PLOD1: variants seen among roughly 807,000 people sequenced by gnomAD.
The protein encoded by PLOD1 is procollagen-lysine,2-oxoglutarate 5-dioxygenase 1.
Under a neutral mutation model 94.7 loss-of-function variants are expected in PLOD1, and 70 were observed. That is an observed-to-expected ratio of 0.74 (90% CI 0.61 to 0.90). PLOD1 has a LOEUF of 0.90. PLOD1 is among the 40% of genes least tolerant of loss of function. PLOD1 has a pLI of 0.00. For synonymous variants in PLOD1, 417 were observed against 400.2 expected (o/e 1.04, Z -0.50); for missense variants, 905 against 972.7 (o/e 0.93, Z 0.93).
chr1:11,960,815 G>T (rs1365665619), intron 10 of PLOD1, 48 bp downstream of exon 10: 1 of 1,608,374 alleles, frequency 6.2e-7, no homozygotes, highest in Admixed American at 1.7e-5. Flanking sequence ...GGGCAGGGGA[G>T]CTGTGGCTGT....
At chr1:11,959,931 C>CT (rs1192824528) in intron 9 of PLOD1, among the ~76,000 whole-genome samples, 1,533 of 123,280 alleles carry the variant, frequency 0.012, 13 homozygotes, top group African/African-American at 0.026. Context: ...GTTGTTTTTC[C>CT]TTTTTTTTTT....
At position 11,972,997 on chromosome 1, in the gene PLOD1, G is replaced by A. The variant is rs1645877387; in HGVS notation, c.2028G>A (p.Glu676=). Residue 676 remains glutamate, a splice_region_variant and synonymous_variant, in exon 18 of 19, where the codon GAG becomes GAA. Transcript: ENST00000196061. The surrounding 1 kb of genome is among the most constrained non-coding windows in gnomAD (Gnocchi z 4.6). ...IALNRVGVDY[E]GGGCRFLRYN... ...TGAACCGAGTCGGGGTGGATTACGA[G>A]GTGAGCAGGAGCCAGCCGGGGTCAA... is the stretch of plus-strand genomic sequence containing the variant. 1.9e-6 allele frequency: 3 copies of A among 1,613,996 alleles called. No individual in the cohort carries two copies. The East Asian group carries it at 6.7e-5, about 36-fold the overall frequency.
At position 11,966,274 on chromosome 1, in the gene PLOD1, C is replaced by G; in HGVS notation, c.1608C>G (p.His536Gln). 1 of 1,607,666 alleles carries G rather than the reference C, an allele frequency of 6.2e-7. No individual in the cohort carries two copies. Among genetic ancestry groups the G allele is most frequent in the Non-Finnish European group, 8.5e-7 (1 of 1,176,972 alleles). The change falls in exon 15 of 19, where the codon CAC (histidine) becomes CAG (glutamine). Residue 536 changes from histidine (H) to glutamine (Q), a missense_variant. Coordinates refer to ENST00000196061, the MANE Select transcript of PLOD1 (RefSeq NM_000302.4). The part of the protein sequence containing the change: ...NPEDWKEKYI[H>Q]QNYTKALAGK... ...AGGACTGGAAGGAGAAGTACATCCA[C>G]CAGAACTACACCAAAGCCCTGGCAG...
At position 11,963,735 on chromosome 1, in the gene PLOD1, C is replaced by T. The variant is rs1569719925; in HGVS notation, c.1202+99C>T. 6.8e-6 allele frequency: 5 copies of T among 738,456 alleles called. No homozygotes were observed. The South Asian group carries it at 7.3e-5, about 11-fold the overall frequency. The allele number at this position is 738,456 out of a possible 1,614,324, so 45.7% of individuals were successfully genotyped here. On this transcript the variant is annotated intron_variant, in intron 11 of 18. Transcript: ENST00000196061. This position sits in a 1 kb window ranked among gnomAD's most constrained non-coding sequence, Gnocchi z 4.3. ...CCTCCTCCTCCTCCTCATCCACCTCCTCTTCCTCCTCTTTTTCCTTCTCCT... is the reference window on the plus strand; with the variant it reads ...CCTCCTCCTCCTCCTCATCCACCTCTTCTTCCTCCTCTTTTTCCTTCTCCT...
chr1:11,936,803 G>A (rs1645582143), intron 1 of PLOD1, among the ~76,000 whole-genome samples: 1 of 151,432 alleles, frequency 6.6e-6, no homozygotes, highest in African/African-American at 2.4e-5. Flanking sequence ...GATTACAGGT[G>A]GGAGCCACTG....
In PLOD1 at chr1:11,957,811, G is replaced by T. The variant is rs754726612; in HGVS notation, c.742-31G>T. ...GGGCTATGGCAGGTGGGGCTGGCTG[G>T]CTTCTCTGTGACCCCACGTCTCCCC... On this transcript the variant is annotated intron_variant, in intron 7 of 18. Transcript: ENST00000196061. This position sits in a 1 kb window ranked among gnomAD's most constrained non-coding sequence, Gnocchi z 4.1. 1 of 1,519,464 alleles carries T rather than the reference G, an allele frequency of 6.6e-7. No homozygotes were observed. The allele number at this position is 1,519,464 out of a possible 1,614,324, so 94.1% of individuals were successfully genotyped here. A position where few individuals can be genotyped will look rare whatever the true frequency, so the allele number is the denominator to read the frequency against.
rs558418663 is a variant in PLOD1, at chr1:11,959,505, C to T, written c.975+858C>T. 2.6e-3 allele frequency among the ~76,000 whole-genome samples: 383 copies of T among 150,084 alleles called. 1 individual carries two copies. The highest frequency in any genetic ancestry group is 8.4e-3 in the African/African-American group (344 of 40,860). On this transcript the variant is annotated intron_variant, in intron 9 of 18. Transcript: ENST00000196061. ...TCACCCAGGCTGGAGTGCAGTGGCACGATCTCGGCTCACTGCAACCTCTGC... is the reference window on the plus strand; with the variant it reads ...TCACCCAGGCTGGAGTGCAGTGGCATGATCTCGGCTCACTGCAACCTCTGC...
Position 11,950,420 on chromosome 1 carries a change from C to T in PLOD1, c.366C>T (p.Ser122=). ...ELLKKFRQAR[S]QVVFSAEELI... ...TGAAGAAGTTCCGGCAGGCCAGGAG[C>T]CAGGTGGTCTTCTCTGCTGAGGAGC... The change falls in exon 4 of 19, where the codon AGC becomes AGT. Residue 122 remains serine, a synonymous_variant. Transcript: ENST00000196061. 6.2e-7 allele frequency: 1 copy of T among 1,614,106 alleles called. No homozygotes were observed. Among genetic ancestry groups the T allele is most frequent in the Non-Finnish European group, 8.5e-7 (1 of 1,179,944 alleles).
intron 5 of PLOD1, 126 bp from the exon 6 acceptor site, chr1:11,954,704 C>T (rs771521338): frequency 1.0e-4 from 83 of 810,422 alleles, no homozygotes; most frequent in African/African-American, 6.0e-4. Context: ...CCTGATGTGA[C>T]GTGGCAGAGT....
chr1:11,943,626 G>A (rs1438142777), intron 1 of PLOD1, among the ~76,000 whole-genome samples: 1 of 152,056 alleles, frequency 6.6e-6, no homozygotes, highest in African/African-American at 2.4e-5. Flanking sequence ...GTCCCAGTGT[G>A]GGCTCTCAGC....
At chr1:11,947,901 C>T (rs1645667627) in intron 1 of PLOD1, 75 bp from the exon 2 acceptor site, 2 of 942,114 alleles carry the variant, frequency 2.1e-6, no homozygotes, top group East Asian at 4.8e-5. Context: ...TGACAGGTCA[C>T]TGGGAACAAA....
At chr1:11,966,109 C>T (rs1019025742) in intron 14 of PLOD1, 142 bp from the exon 15 acceptor site, 1 of 716,878 alleles carries the variant, frequency 1.4e-6, no homozygotes. Flanking sequence ...CCAGACAACA[C>T]ACACGCACCC....
rs963144078 is a variant in PLOD1 at position 11,965,136 on chromosome 1, A to G, written c.1471-344A>G. 1.1e-4 allele frequency among the ~76,000 whole-genome samples: 17 copies of G among 150,164 alleles called. 1 individual carries two copies. The highest frequency in any genetic ancestry group is 2.2e-4 in the Non-Finnish European group (15 of 67,664). Reference sequence around the variant, plus strand: ...TCACCCTGTCTCTGCGCCCCACCCCATATATTTTTGTGACTTTTTTTTTTT... The same window carrying G: ...TCACCCTGTCTCTGCGCCCCACCCCGTATATTTTTGTGACTTTTTTTTTTT... On this transcript the variant is annotated intron_variant, in intron 13 of 18. Coordinates refer to ENST00000196061, the MANE Select transcript of PLOD1 (RefSeq NM_000302.4).
chr1:11,946,022 C>T (rs985713089), intron 1 of PLOD1, among the ~76,000 whole-genome samples: 1 of 152,082 alleles, frequency 6.6e-6, no homozygotes, highest in Non-Finnish European at 1.5e-5. Context: ...AGTAATACCT[C>T]TTCATGTGTG....
intron 1 of PLOD1, chr1:11,944,453 A>ACACACACACT (rs1491560569): frequency 9.2e-6 from 9 of 977,792 alleles, no homozygotes; most frequent in East Asian, 6.2e-5. Flanking sequence ...ACACACACAC[A>ACACACACACT]CTCACTCACA....
chr1:11,973,667 C>T (rs1448733506), intron 18 of PLOD1, among the ~76,000 whole-genome samples: 2 of 151,730 alleles, frequency 1.3e-5, no homozygotes, highest in Non-Finnish European at 2.9e-5. Context: ...GCAGCCTCAA[C>T]CTCCTGGGCC....
At chr1:11,961,765 A>G (rs1049359570) in intron 10 of PLOD1, among the ~76,000 whole-genome samples, 2 of 152,036 alleles carry the variant, frequency 1.3e-5, no homozygotes, top group African/African-American at 4.8e-5. Flanking sequence ...ATGTGCCATC[A>G]CATCCAGTTA....
chr1:11,941,467 G>GATTATTATTTATTATTATTATTATTATT (rs531153063), intron 1 of PLOD1, among the ~76,000 whole-genome samples: 92 of 141,898 alleles, frequency 6.5e-4, no homozygotes, highest in Middle Eastern at 7.6e-3. Context: ...AAGTAGCTGG[G>GATTATTATTTATTATTATTATTATTATT]ATTATTATTA....
At position 11,958,530 on chromosome 1, in the gene PLOD1, C is replaced by T. The variant is rs145574708; in HGVS notation, c.858C>T (p.Pro286=). 4 of 1,613,742 alleles carry T rather than the reference C, an allele frequency of 2.5e-6. No individual in the cohort carries two copies. The African/African-American group carries it at 5.3e-5, about 22-fold the overall frequency. The change falls in exon 9 of 19, where the codon CCC becomes CCT. Residue 286 remains proline (P), a synonymous_variant. Transcript: ENST00000196061. This position sits in a 1 kb window ranked among gnomAD's most constrained non-coding sequence, Gnocchi z 4.3. The stretch of plus-strand genomic sequence containing the variant: ...CCCTGGTGCAGGATGAAGCTCTGCC[C>T]ACGGTCCTGGTCGGCGTGTTCATCG... ...SLKGIGDEAL[P]TVLVGVFIEQ...
Sources: gnomAD v4.1 joint callset for allele counts (sites outside exome capture counted in the v4.1 genomes callset) on GRCh38, gnomAD v4.1.1 for gene constraint, Gnocchi (gnomAD v3.1) non-coding constraint, MANE v1.5 for transcripts, NCBI Gene and HGNC (gene_info 2026-07-23, HGNC 2026-07-21) for gene names.